The following SYTL3 variants were observed in gnomAD, a reference collection of about 807,000 sequenced individuals.
SYTL3 encodes the protein synaptotagmin-like protein 3.
Under a neutral mutation model 82.1 loss-of-function variants are expected in SYTL3, and 88 were observed. The ratio of observed to expected loss-of-function variants is 1.07; its 90% CI spans 0.90 to 1.28. The LOEUF is 1.28. Among genes scored for constraint, SYTL3 ranks in the 50% most tolerant of loss-of-function variants. The probability of loss-of-function intolerance (pLI) is 0.00; values close to 1 mark genes in which losing one functional copy is unlikely to be tolerated. For missense variants in SYTL3, 831 were observed against 757.6 expected (o/e 1.10, Z -1.14); for synonymous variants, 311 against 289.4 (o/e 1.07, Z -0.76).
chr6:158,740,091 G>A (rs1288968857), intron 11 of SYTL3, among the ~76,000 whole-genome samples: 1 of 148,102 alleles, frequency 6.8e-6, no homozygotes, highest in Non-Finnish European at 1.5e-5. Flanking sequence ...CTGCCTCCTG[G>A]GTTCAAGCAA....
chr6:158,756,706 G>A (rs1789121833), intron 13 of SYTL3, among the ~76,000 whole-genome samples: 2 of 108,162 alleles, frequency 1.8e-5, no homozygotes, highest in African/African-American at 7.1e-5. Flanking sequence ...GCGAGATCCT[G>A]TCTCAAAAAA....
At chr6:158,705,521 C>A (rs1252645207) in intron 6 of SYTL3, among the ~76,000 whole-genome samples, 1 of 109,886 alleles carries the variant, frequency 9.1e-6, no homozygotes, top group African/African-American at 3.4e-5. Context: ...AGGAAGAACC[C>A]GGGGCAGGGT....
Position 158,708,368 on chromosome 6 carries a change from C to T in SYTL3, c.493C>T (p.Gln165Ter). ...TACTCCACCTCCTGTCAGCGAGAGC[C>T]AGTGCAGCCGCAGTCCTGGCAGGGT... ...PPTPPPVSES[Q>*]CSRSPGRLQE... The change falls in exon 8 of 18, where the codon CAG (glutamine) becomes TAG (stop). Residue 165 changes from glutamine (Q) to a stop codon, truncating the protein, a stop_gained. Transcript: ENST00000611299. LOFTEE classifies it high-confidence loss of function. 1.2e-6 allele frequency: 2 copies of T among 1,614,200 alleles called. No homozygotes were observed. Among genetic ancestry groups the T allele is most frequent in the East Asian group, 4.5e-5 (2 of 44,886 alleles).
chr6:158,677,569 G>T (rs1778193250), intron 5 of SYTL3, among the ~76,000 whole-genome samples: 1 of 152,024 alleles, frequency 6.6e-6, no homozygotes, highest in South Asian at 2.1e-4. Context: ...GCTGGTTGTG[G>T]TGGTGGGTGC....
intron 6 of SYTL3, among the ~76,000 whole-genome samples, chr6:158,690,369 C>T (rs577536876): frequency 2.6e-5 from 4 of 152,310 alleles, no homozygotes; most frequent in Admixed American, 6.5e-5. Flanking sequence ...CTTTTTGACA[C>T]GGGGAAACCT....
Position 158,710,792 on chromosome 6 carries a change from T to G in SYTL3, c.516+2401T>G, listed in dbSNP as rs568543165. Among the ~76,000 whole-genome samples, 137 of 152,060 alleles carry G rather than the reference T, an allele frequency of 9.0e-4. 1 individual carries two copies. Among genetic ancestry groups the G allele is most frequent in the African/African-American group, 2.9e-3 (120 of 41,498 alleles). On this transcript the variant is annotated intron_variant, in intron 8 of 17. Coordinates refer to ENST00000611299, the MANE Select transcript of SYTL3 (RefSeq NM_001242394.2). ...TAAGCTTTTTTTTTTTTTGCTTTTT[T>G]CTTTTTTTGAGATGGAGTTTCACTC... is the stretch of plus-strand genomic sequence containing the variant.
chr6:158,752,704 C>T (rs888972296), intron 13 of SYTL3, among the ~76,000 whole-genome samples: 6 of 152,170 alleles, frequency 3.9e-5, no homozygotes, highest in Non-Finnish European at 8.8e-5. Context: ...CCCAGAGCTG[C>T]AGAGGCTACC....
intron 7 of SYTL3, among the ~76,000 whole-genome samples, 170 bp from the exon 8 acceptor site, chr6:158,708,152 A>AGAGC (rs1200142495): frequency 2.4e-4 from 36 of 152,284 alleles, no homozygotes; most frequent in African/African-American, 8.2e-4. Context: ...TGCCCCTCGT[A>AGAGC]GAGCAGCAGG....
chr6:158,714,370 A>G (rs1370671187), intron 9 of SYTL3, among the ~76,000 whole-genome samples: 1 of 152,160 alleles, frequency 6.6e-6, no homozygotes, highest in Non-Finnish European at 1.5e-5. Context: ...AAAAGAAAAA[A>G]AAAAAAAGAT....
In SYTL3 at chr6:158,725,509, A is replaced by C; in HGVS notation, c.727A>C (p.Ser243Arg). 6.2e-7 allele frequency: 1 copy of C among 1,613,422 alleles called. No homozygotes were observed. Among genetic ancestry groups the C allele is most frequent in the Non-Finnish European group, 8.5e-7 (1 of 1,179,790 alleles). Residue 243 changes from serine to arginine, a missense_variant, in exon 11 of 18, where the codon AGT (serine) becomes CGT (arginine). By Grantham distance (110) the Ser-to-Arg change is moderately radical. Coordinates refer to ENST00000611299, the MANE Select transcript of SYTL3 (RefSeq NM_001242394.2). The stretch of plus-strand genomic sequence containing the variant: ...TCTGTTTTTCCTTCTCCAGAAGGTC[A>C]GTGCACCAGATATTCTGAAACCTCT... ...TAVNVTTRKV[S>R]APDILKPLNQ...
At chr6:158,751,813 C>T in intron 12 of SYTL3, 115 bp from the exon 13 acceptor site, 1 of 754,406 alleles carries the variant, frequency 1.3e-6, no homozygotes, top group South Asian at 2.1e-5. Flanking sequence ...CCAAAAATTC[C>T]AGCAGGAAGC....
intron 10 of SYTL3, among the ~76,000 whole-genome samples, chr6:158,722,910 C>T (rs1354788327): frequency 2.0e-5 from 3 of 150,728 alleles, no homozygotes; most frequent in East Asian, 2.0e-4. Context: ...GGACTACAGG[C>T]GCCTGCCACC....
chr6:158,667,964 C>T (rs996844735), intron 5 of SYTL3, among the ~76,000 whole-genome samples: 24 of 152,138 alleles, frequency 1.6e-4, no homozygotes, highest in African/African-American at 5.1e-4. Flanking sequence ...TGGCTCAAGA[C>T]GACTTCCAGA....
intron 13 of SYTL3, 23 bp from the exon 14 acceptor site, chr6:158,757,188 C>T (rs1003752634): frequency 6.9e-6 from 11 of 1,600,940 alleles, no homozygotes; most frequent in African/African-American, 1.3e-5. Context: ...GCCCAGCTGA[C>T]CATCTCTTCC....
intron 6 of SYTL3, among the ~76,000 whole-genome samples, chr6:158,686,054 G>A (rs1041883127): frequency 2.0e-5 from 3 of 152,194 alleles, no homozygotes; most frequent in African/African-American, 7.2e-5. Flanking sequence ...GTTTTCATGT[G>A]TGCATGAATG....
At chr6:158,731,779 G>A (rs1017259263) in intron 11 of SYTL3, among the ~76,000 whole-genome samples, 1 of 152,080 alleles carries the variant, frequency 6.6e-6, no homozygotes, top group Non-Finnish European at 1.5e-5. Context: ...ATTTTTAGTA[G>A]AGACGGGGTT....
At chr6:158,710,234 C>T (rs1273197628) in intron 8 of SYTL3, among the ~76,000 whole-genome samples, 3 of 152,124 alleles carry the variant, frequency 2.0e-5, no homozygotes, top group Non-Finnish European at 4.4e-5. Context: ...TAGAAATACA[C>T]ATTACTATGG....
At position 158,757,329 on chromosome 6, in the gene SYTL3, A is replaced by G; in HGVS notation, c.1256A>G (p.Asp419Gly). The change falls in exon 14 of 18, where the codon GAC (aspartate) becomes GGC (glycine). Residue 419 changes from aspartate to glycine, a missense_variant. Physicochemically the swap from Asp to Gly is moderately conservative, Grantham distance 94. Transcript: ENST00000611299. ...GTGATCATTCCTCTGGCCACGTGGG[A>G]CTTTGAAGACAGCACAACACAGTCC... ...GEVIIPLATW[D>G]FEDSTTQSFR... The G allele has an allele frequency of 6.2e-7, 1 of 1,613,914 alleles. No individual in the cohort carries two copies.
At chr6:158,707,008 C>CT (rs1782173751) in intron 6 of SYTL3, among the ~76,000 whole-genome samples, 1 of 152,160 alleles carries the variant, frequency 6.6e-6, no homozygotes, top group African/African-American at 2.4e-5. Context: ...TAAAATGTGT[C>CT]TTTTCAGTCT....
Sources: gnomAD v4.1 joint callset for allele counts (sites outside exome capture counted in the v4.1 genomes callset) on GRCh38, gnomAD v4.1.1 for gene constraint, MANE v1.5 for transcripts, NCBI Gene and HGNC (gene_info 2026-07-23, HGNC 2026-07-21) for gene names.